The following GALNT13 variants were observed in gnomAD, a reference collection of about 807,000 sequenced individuals.
GALNT13 encodes UDP-GalNAc:polypeptide N-acetylgalactosaminyltransferase 13.
Under a neutral mutation model 64.2 loss-of-function variants are expected in GALNT13, and 28 were observed. The observed-to-expected ratio is 0.44, with a 90% CI of 0.32 to 0.60. GALNT13 has a LOEUF of 0.60. Among genes scored for constraint, GALNT13 ranks in the 20% least tolerant of loss-of-function variants. The pLI is 0.05. For missense variants in GALNT13, 577 were observed against 669.8 expected, an observed-to-expected ratio of 0.86 and a Z score of 1.53; for synonymous variants, 214 against 224.6, an observed-to-expected ratio of 0.95 and a Z score of 0.42.
chr2:153,851,950 A>G, the GALNT13 span, among the ~76,000 whole-genome samples: 7 of 152,200 alleles, frequency 4.6e-5, no homozygotes, highest in Admixed American at 4.6e-4. Context: ...GCTGTATACC[A>G]TATGTGAATT....
the GALNT13 span, among the ~76,000 whole-genome samples, chr2:153,340,899 G>T: frequency 2.6e-5 from 4 of 152,130 alleles, no homozygotes; most frequent in Non-Finnish European, 2.9e-5. Flanking sequence ...TCAAAGTGTG[G>T]TTCCCAATCA....
At chr2:154,368,386 C>G (rs1697491981) in intron 9 of GALNT13, among the ~76,000 whole-genome samples, 1 of 152,130 alleles carries the variant, frequency 6.6e-6, no homozygotes, top group Non-Finnish European at 1.5e-5. Flanking sequence ...GTGTGACTGA[C>G]CAGATGCAGG....
At chr2:153,264,948 A>G in the GALNT13 span, among the ~76,000 whole-genome samples, 1 of 152,252 alleles carries the variant, frequency 6.6e-6, no homozygotes, top group Non-Finnish European at 1.5e-5. Context: ...AACTTAAAAA[A>G]TAAATTAAAA....
At chr2:154,400,595 G>A (rs1699258773) in intron 10 of GALNT13, among the ~76,000 whole-genome samples, 1 of 151,952 alleles carries the variant, frequency 6.6e-6, no homozygotes, top group African/African-American at 2.4e-5. Flanking sequence ...TTTATTTTAT[G>A]TTTGCATCTT....
chr2:154,182,590 C>T (rs888179311), intron 4 of GALNT13, among the ~76,000 whole-genome samples: 11 of 149,632 alleles, frequency 7.4e-5, no homozygotes, highest in Admixed American at 1.3e-4. Flanking sequence ...CTAATTTTAT[C>T]TGTTTTATAA....
intron 3 of GALNT13, among the ~76,000 whole-genome samples, chr2:154,088,128 A>G (rs547264729): frequency 6.6e-6 from 1 of 152,248 alleles, no homozygotes; most frequent in Admixed American, 6.5e-5. Context: ...AGAAGTGGCT[A>G]CAGGCTGTGT....
At chr2:154,196,445 T>G (rs1686883576) in intron 4 of GALNT13, among the ~76,000 whole-genome samples, 1 of 152,224 alleles carries the variant, frequency 6.6e-6, no homozygotes, top group African/African-American at 2.4e-5. Flanking sequence ...TTTGTTTTCT[T>G]TAATTTTTTA....
At position 154,441,406 on chromosome 2, in the gene GALNT13, G is replaced by T. The variant is rs149267214; in HGVS notation, c.1530+2680G>T. Among the ~76,000 whole-genome samples, 703 of 152,160 alleles carry T rather than the reference G, an allele frequency of 4.6e-3. 6 individuals carry two copies. Among genetic ancestry groups the T allele is most frequent in the African/African-American group, 0.016 (684 of 41,528 alleles). On this transcript the variant is annotated intron_variant, in intron 12 of 12. Coordinates refer to ENST00000392825, the MANE Select transcript of GALNT13 (RefSeq NM_052917.4). ...CAATTCTTTATCTTTTGCTGGCAAG[G>T]ACAAAATTATTCTTTGAAAAATCTC...
the GALNT13 span, among the ~76,000 whole-genome samples, chr2:153,743,296 G>A: frequency 5.9e-5 from 9 of 152,128 alleles, no homozygotes; most frequent in African/African-American, 1.7e-4. Context: ...TCCATTCATT[G>A]TTGGATAGAC....
chr2:154,043,306 TA>T (rs1171108392), intron 3 of GALNT13, among the ~76,000 whole-genome samples: 14 of 150,122 alleles, frequency 9.3e-5, no homozygotes, highest in East Asian at 5.9e-4. Flanking sequence ...AGCAAAAGAG[TA>T]AAAAAAAGTT....
chr2:153,637,629 A>G, the GALNT13 span, among the ~76,000 whole-genome samples: 2 of 152,180 alleles, frequency 1.3e-5, no homozygotes, highest in Admixed American at 1.3e-4. Context: ...GCATGTTATC[A>G]ATGAGTATTT....
intron 4 of GALNT13, among the ~76,000 whole-genome samples, chr2:154,147,469 A>G (rs1683683249): frequency 6.6e-6 from 1 of 151,346 alleles, no homozygotes; most frequent in Non-Finnish European, 1.5e-5. Flanking sequence ...GGACAGTTTT[A>G]CAGGAAGGTG....
At chr2:153,217,888 A>C in the GALNT13 span, among the ~76,000 whole-genome samples, 2 of 151,744 alleles carry the variant, frequency 1.3e-5, no homozygotes, top group African/African-American at 2.4e-5. Flanking sequence ...TTAAAGCTTC[A>C]TTTTCATTTT....
At chr2:154,236,729 T>C (rs1172156845) in intron 4 of GALNT13, among the ~76,000 whole-genome samples, 2 of 152,062 alleles carry the variant, frequency 1.3e-5, no homozygotes, top group African/African-American at 4.8e-5. Context: ...TCTACAATAA[T>C]GTCAATTTTG....
chr2:153,449,991 T>C, the GALNT13 span, among the ~76,000 whole-genome samples: 1 of 152,214 alleles, frequency 6.6e-6, no homozygotes, highest in African/African-American at 2.4e-5. Context: ...CAATATAATC[T>C]GGAAAACAGT....
At chr2:153,769,387 C>A in the GALNT13 span, among the ~76,000 whole-genome samples, 7 of 152,122 alleles carry the variant, frequency 4.6e-5, no homozygotes, top group Non-Finnish European at 8.8e-5. Flanking sequence ...CCCCCTCCCC[C>A]ACCCCAATGC....
chr2:153,481,854 T>C, the GALNT13 span, among the ~76,000 whole-genome samples: 1 of 152,120 alleles, frequency 6.6e-6, no homozygotes. Flanking sequence ...ATTATGAAAA[T>C]ATTAAGCAGA....
intron 8 of GALNT13, among the ~76,000 whole-genome samples, chr2:154,272,160 A>G (rs1177285932): frequency 6.6e-6 from 1 of 152,032 alleles, no homozygotes; most frequent in South Asian, 2.1e-4. Flanking sequence ...TGGAAAATCA[A>G]TCTAATTGAG....
chr2:153,768,192 A>G, the GALNT13 span, among the ~76,000 whole-genome samples: 1 of 152,234 alleles, frequency 6.6e-6, no homozygotes, highest in Admixed American at 6.5e-5. Context: ...ATTGATTAAG[A>G]CTTGCTTTAT....
Sources: gnomAD v4.1 joint callset for allele counts (sites outside exome capture counted in the v4.1 genomes callset) on GRCh38, gnomAD v4.1.1 for gene constraint, MANE v1.5 for transcripts, NCBI Gene and HGNC (gene_info 2026-07-23, HGNC 2026-07-21) for gene names.